The following ABLIM1 variants were observed in gnomAD, a reference collection of about 807,000 sequenced individuals.
ABLIM1 encodes the protein actin-binding LIM protein 1.
A neutral mutation model predicts 107.0 loss-of-function variants in ABLIM1; 40 were observed. The ratio of observed to expected loss-of-function variants is 0.37; its 90% CI spans 0.29 to 0.49. The LOEUF (loss-of-function observed/expected upper bound fraction) is 0.49. Among genes scored for constraint, ABLIM1 ranks in the 20% least tolerant of loss-of-function variants. The probability of loss-of-function intolerance (pLI) is 0.97; values close to 1 mark genes in which losing one functional copy is unlikely to be tolerated. For synonymous variants in ABLIM1, 357 were observed against 357.3 expected, an observed-to-expected ratio of 1.00 and a Z score of 0.01; for missense variants, 857 against 1,008.5, an observed-to-expected ratio of 0.85 and a Z score of 2.04.
At chr10:114,728,232 A>C (rs1007416300) in intron 1 of ABLIM1, among the ~76,000 whole-genome samples, 1 of 152,202 alleles carries the variant, frequency 6.6e-6, no homozygotes, top group African/African-American at 2.4e-5. Context: ...GCAAGTGTTG[A>C]CAAATTTGTG....
At chr10:114,725,810 T>C (rs981786943) in intron 1 of ABLIM1, among the ~76,000 whole-genome samples, 1 of 150,608 alleles carries the variant, frequency 6.6e-6, no homozygotes, top group African/African-American at 2.4e-5. Flanking sequence ...AGTGGTGCAA[T>C]CACAGCTCAC....
At chr10:114,774,926 A>G in the ABLIM1 span, among the ~76,000 whole-genome samples, 1 of 152,182 alleles carries the variant, frequency 6.6e-6, no homozygotes, top group Non-Finnish European at 1.5e-5. Flanking sequence ...TTCCTGAAAC[A>G]AAACAAAAAA....
intron 1 of ABLIM1, among the ~76,000 whole-genome samples, chr10:114,712,345 T>C (rs1591866473): frequency 1.1e-5 from 1 of 91,906 alleles, no homozygotes; most frequent in African/African-American, 4.6e-5. Flanking sequence ...AGAGCGAGAC[T>C]CCGTCTCGAA....
chr10:114,674,692 C>G (rs2141447480), intron 1 of ABLIM1, among the ~76,000 whole-genome samples: 1 of 150,540 alleles, frequency 6.6e-6, no homozygotes, highest in South Asian at 2.1e-4. Context: ...TCTGAGCTAT[C>G]TTAATAATTG....
chr10:114,573,614 A>G (rs1433344635), intron 3 of ABLIM1, among the ~76,000 whole-genome samples: 3 of 152,180 alleles, frequency 2.0e-5, no homozygotes, highest in Non-Finnish European at 2.9e-5. Flanking sequence ...TCCAGAAACT[A>G]CTAAATTAGC....
At chr10:114,659,840 G>C (rs534730575), upstream of ABLIM1, among the ~76,000 whole-genome samples, 2 of 152,254 alleles carry the variant, frequency 1.3e-5, no homozygotes, top group African/African-American at 4.8e-5. Context: ...GGGTGGAGCC[G>C]GGTCTTCTGC....
At chr10:114,630,943 T>C (rs2078135637) in intron 1 of ABLIM1, among the ~76,000 whole-genome samples, 1 of 152,200 alleles carries the variant, frequency 6.6e-6, no homozygotes, top group Non-Finnish European at 1.5e-5. Context: ...TGATTCAATT[T>C]TTATATTCAT....
chr10:114,759,516 T>C (rs937966244), intron 1 of ABLIM1, among the ~76,000 whole-genome samples: 9 of 152,148 alleles, frequency 5.9e-5, no homozygotes. Flanking sequence ...AAACAAATAT[T>C]CTAAAATTTT....
chr10:114,614,081 T>C (rs1311251392), intron 1 of ABLIM1, among the ~76,000 whole-genome samples: 2 of 152,036 alleles, frequency 1.3e-5, no homozygotes, highest in Non-Finnish European at 2.9e-5. Flanking sequence ...AAATCCAACA[T>C]GGGACTGGGA....
chr10:114,711,088 T>A (rs719896), intron 1 of ABLIM1, among the ~76,000 whole-genome samples: 89,283 of 152,104 alleles, frequency 0.59, 26,451 homozygotes, highest in South Asian at 0.66. Flanking sequence ...TGTCCCTGTA[T>A]GTCTTCTGTT....
At chr10:114,506,518 A>C (rs758570362) in intron 6 of ABLIM1, among the ~76,000 whole-genome samples, 2 of 152,096 alleles carry the variant, frequency 1.3e-5, no homozygotes, top group Non-Finnish European at 2.9e-5. Flanking sequence ...AACTTCACCA[A>C]CATCTGTTTT....
At chr10:114,542,473 AGAAG>A (rs2066804762) in intron 6 of ABLIM1, among the ~76,000 whole-genome samples, 4 of 151,368 alleles carry the variant, frequency 2.6e-5, no homozygotes, top group Non-Finnish European at 5.9e-5. Context: ...ATGATGATGA[AGAAG>A]GAAGAAAGAT....
chr10:114,526,916 C>G, intron 6 of ABLIM1: 1 of 985,510 alleles, frequency 1.0e-6, no homozygotes, highest in Non-Finnish European at 1.2e-6. Flanking sequence ...TCTCTCACGC[C>G]TCCTCTCCTC....
chr10:114,493,778 TATG>T (rs1396590330), intron 6 of ABLIM1, among the ~76,000 whole-genome samples: 1 of 152,182 alleles, frequency 6.6e-6, no homozygotes, highest in Non-Finnish European at 1.5e-5. Context: ...AATAAAAATG[TATG>T]ATATTTCTAG....
intron 6 of ABLIM1, among the ~76,000 whole-genome samples, chr10:114,531,795 C>T (rs563722191): frequency 1.4e-4 from 22 of 152,144 alleles, no homozygotes; most frequent in African/African-American, 4.8e-4. Flanking sequence ...GGATTACAGG[C>T]GTGAGCCACC....
At chr10:114,570,665 C>A (rs2071533393) in intron 4 of ABLIM1, among the ~76,000 whole-genome samples, 1 of 126,128 alleles carries the variant, frequency 7.9e-6, no homozygotes. Flanking sequence ...TGCAGTGGTA[C>A]AATCTCAGCT....
intron 1 of ABLIM1, among the ~76,000 whole-genome samples, chr10:114,761,661 C>G (rs78996330): frequency 1.1e-3 from 165 of 152,200 alleles, no homozygotes; most frequent in African/African-American, 3.9e-3. Flanking sequence ...AGTGAAAAAC[C>G]CTACATCCTC....
chr10:114,533,968 A>G (rs2065717410), intron 6 of ABLIM1, among the ~76,000 whole-genome samples: 1 of 152,134 alleles, frequency 6.6e-6, no homozygotes, highest in Non-Finnish European at 1.5e-5. Context: ...ATGAGCTACC[A>G]CATCTGGCCC....
intron 1 of ABLIM1, among the ~76,000 whole-genome samples, chr10:114,749,629 G>A (rs1295265866): frequency 1.3e-5 from 2 of 152,096 alleles, no homozygotes; most frequent in African/African-American, 4.8e-5. Context: ...ACCCTTGAGT[G>A]GTTGTCGTTT....
Sources: allele counts gnomAD v4.1 joint callset (sites outside exome capture counted in the v4.1 genomes callset), GRCh38; gene constraint gnomAD v4.1.1; transcripts MANE v1.5; gene names NCBI Gene and HGNC (gene_info 2026-07-23, HGNC 2026-07-21).